The following IQCH variants were observed in gnomAD, a reference collection of about 807,000 sequenced individuals.
IQCH encodes the protein IQ motif containing H, also known as IQ domain-containing protein H.
In IQCH, 98 loss-of-function variants were observed where a neutral mutation model predicts 117.0. The ratio of observed to expected loss-of-function variants is 0.84; its 90% CI spans 0.71 to 0.99. The LOEUF is 0.99. IQCH is among the 50% of genes least tolerant of loss of function. IQCH has a pLI of 0.00. For synonymous variants in IQCH, 412 were observed against 448.2 expected (o/e 0.92, Z 1.02); for missense variants, 1,102 against 1,243.8 (o/e 0.89, Z 1.72).
chr15:67,462,120 C>T (rs1243053067), intron 16 of IQCH, among the ~76,000 whole-genome samples: 1 of 151,584 alleles, frequency 6.6e-6, no homozygotes, highest in African/African-American at 2.4e-5. Context: ...TGAGCCACTG[C>T]GCCCGGCCTA....
chr15:67,255,898 C>A (rs897552939), intron 1 of IQCH, among the ~76,000 whole-genome samples: 1 of 152,182 alleles, frequency 6.6e-6, no homozygotes, highest in Non-Finnish European at 1.5e-5. Context: ...GATCTTTTCT[C>A]ACCCTCACTT....
intron 4 of IQCH, among the ~76,000 whole-genome samples, chr15:67,329,136 A>G (rs1247602314): frequency 6.6e-6 from 1 of 152,028 alleles, no homozygotes; most frequent in East Asian, 1.9e-4. Context: ...TAATCTCTAC[A>G]CAAAATACAA....
rs188142058 is a variant in IQCH at position 67,456,565 on chromosome 15, G to A, written c.2506-8562G>A. On this transcript the variant is annotated intron_variant, in intron 16 of 20. Transcript: ENST00000335894. This position sits in a 1 kb window ranked among gnomAD's most constrained non-coding sequence, Gnocchi z 5.1. ...GATTCCATCCTACATCGTATCAAAT[G>A]TATTAAAAATCCATTTCATCTATTC... is the stretch of plus-strand genomic sequence containing the variant. Among the ~76,000 whole-genome samples the A allele has an allele frequency of 1.3e-3, 200 of 152,190 alleles. 1 individual carries two copies. Among genetic ancestry groups the A allele is most frequent in the Non-Finnish European group, 2.0e-3 (138 of 68,016 alleles).
chr15:67,276,829 C>T (rs1966145012), intron 3 of IQCH, among the ~76,000 whole-genome samples: 1 of 151,986 alleles, frequency 6.6e-6, no homozygotes, highest in Non-Finnish European at 1.5e-5. Flanking sequence ...TTATTCTGGT[C>T]AGTGTTCTCT....
In IQCH at chr15:67,400,491, C is replaced by CTTTTCTTTTTTT. The variant is rs776111763; in HGVS notation, c.2097+190_2097+191insCTTTTTTTTTTT. Among the ~76,000 whole-genome samples, 17 of 115,572 alleles carry CTTTTCTTTTTTT rather than the reference C, an allele frequency of 1.5e-4. 6 individuals carry two copies. Among genetic ancestry groups the CTTTTCTTTTTTT allele is most frequent in the Non-Finnish European group, 2.1e-4 (12 of 57,970 alleles). 75.8% of individuals were successfully genotyped at this position (115,572 alleles called of 152,430 possible). On this transcript the variant is annotated intron_variant, in intron 14 of 20. Coordinates refer to ENST00000335894, the MANE Select transcript of IQCH (RefSeq NM_001031715.3). The stretch of plus-strand genomic sequence containing the variant: ...TGGGATTGACTGAGTTCTTTTTTTT[C>CTTTTCTTTTTTT]TTTTTTTTTTTGAGATGGGGCCTCA...
chr15:67,293,410 A>T (rs977981246), intron 4 of IQCH, among the ~76,000 whole-genome samples: 9 of 152,170 alleles, frequency 5.9e-5, no homozygotes, highest in Non-Finnish European at 1.3e-4. Context: ...CAAAACCCTG[A>T]TATAAAATAG....
intron 4 of IQCH, among the ~76,000 whole-genome samples, chr15:67,317,306 G>A (rs1967894204): frequency 6.6e-6 from 1 of 152,118 alleles, no homozygotes; most frequent in Admixed American, 6.6e-5. Context: ...AGGTTCAAGT[G>A]ATTCTCCTGC....
chr15:67,351,537 T>G (rs1194479609), intron 6 of IQCH, among the ~76,000 whole-genome samples: 3 of 152,182 alleles, frequency 2.0e-5, no homozygotes, highest in Admixed American at 2.0e-4. Flanking sequence ...AGTGGAAATG[T>G]TGGTCATGGG....
rs115189088 is a variant in IQCH, at chr15:67,396,753, G to A, written c.1905+1190G>A. Among the ~76,000 whole-genome samples, 632 of 152,278 alleles carry A rather than the reference G, an allele frequency of 4.2e-3. 3 individuals are homozygous for A. The highest frequency in any genetic ancestry group is 0.013 in the African/African-American group (525 of 41,566). On this transcript the variant is annotated intron_variant, in intron 13 of 20. Coordinates refer to ENST00000335894, the MANE Select transcript of IQCH (RefSeq NM_001031715.3). ...ATTTAGGGATCCCCTCCTACTCTCA[G>A]TTGCCTGATCATGATGCTCTGCACC...
chr15:67,261,274 C>T lies in IQCH; in HGVS notation c.54C>T (p.Ile18=). The T allele has an allele frequency of 2.0e-6, 3 of 1,524,982 alleles. No individual in the cohort carries two copies. Among genetic ancestry groups the T allele is most frequent in the Non-Finnish European group, 2.7e-6 (3 of 1,127,740 alleles). 94.5% of individuals were successfully genotyped at this position (1,524,982 alleles called of 1,614,324 possible). ...TTTTTCATTTTTTATACCTATAGAT[C>T]CATGAAGACCTTTATCAGTTAAAGG... is the stretch of plus-strand genomic sequence containing the variant. The part of the protein sequence containing the change: ...HDPVGSILIQ[I]HEDLYQLKEK... Residue 18 remains isoleucine, a splice_region_variant and synonymous_variant, in exon 2 of 21, where the codon ATC becomes ATT. Transcript: ENST00000335894.
chr15:67,266,360 C>T (rs558862481), intron 3 of IQCH, among the ~76,000 whole-genome samples: 8 of 152,002 alleles, frequency 5.3e-5, no homozygotes, highest in Non-Finnish European at 1.2e-4. Context: ...ATTAATATCT[C>T]AAGACATCAT....
At chr15:67,268,119 A>G (rs1407725222) in intron 3 of IQCH, among the ~76,000 whole-genome samples, 1 of 152,212 alleles carries the variant, frequency 6.6e-6, no homozygotes, top group Admixed American at 6.5e-5. Context: ...CTTTTGCTCC[A>G]TAACTGCCTG....
In IQCH at chr15:67,465,407, C is replaced by A; in HGVS notation, c.2676+110C>A. The A allele has an allele frequency of 8.5e-7, 1 of 1,179,554 alleles. No individual in the cohort carries two copies. The highest frequency in any genetic ancestry group is 1.2e-6 in the Non-Finnish European group (1 of 837,916). 73.1% of individuals were successfully genotyped at this position (1,179,554 alleles called of 1,614,324 possible). On this transcript the variant is annotated intron_variant, in intron 17 of 20. Transcript: ENST00000335894. The surrounding 1 kb of genome is among the most constrained non-coding windows in gnomAD (Gnocchi z 5.9). ...TTTGAGTACAGGAAGAAGAAAGAGC[C>A]TAAGGCAAGTCATTGGACTTGTCTG...
At position 67,427,829 on chromosome 15, in the gene IQCH, A is replaced by ATTT. The variant is rs34065535; in HGVS notation, c.2505+6267_2505+6269dup. ...CAAGTAGTCTAAATTCCAATAATAGATTTTTTTTTTTTTTTTTGAAGCAGA... is the reference window on the plus strand; with the variant it reads ...CAAGTAGTCTAAATTCCAATAATAGATTTTTTTTTTTTTTTTTTTTGAAGCAGA... On this transcript the variant is annotated intron_variant, in intron 16 of 20. Coordinates refer to ENST00000335894, the MANE Select transcript of IQCH (RefSeq NM_001031715.3). The surrounding 1 kb of genome is among the most constrained non-coding windows in gnomAD (Gnocchi z 4.7). Among the ~76,000 whole-genome samples, 1 of 141,688 alleles carries ATTT rather than the reference A, an allele frequency of 7.1e-6. No individual in the cohort carries two copies. Among genetic ancestry groups the ATTT allele is most frequent in the Non-Finnish European group, 1.5e-5 (1 of 64,534 alleles). 93.0% of individuals were successfully genotyped at this position (141,688 alleles called of 152,430 possible).
chr15:67,267,704 CTGTT>C (rs749600405), intron 3 of IQCH, among the ~76,000 whole-genome samples: 1 of 152,196 alleles, frequency 6.6e-6, no homozygotes, highest in Non-Finnish European at 1.5e-5. Flanking sequence ...CTGCAGATCT[CTGTT>C]TGTTCCTTTG....
intron 13 of IQCH, among the ~76,000 whole-genome samples, chr15:67,396,405 T>TGGGGAA: frequency 6.6e-6 from 1 of 152,152 alleles, no homozygotes; most frequent in Admixed American, 6.5e-5. Context: ...GGAATAAAAC[T>TGGGGAA]GTCTGTTTTC....
chr15:67,348,190 C>G (rs1306949370), intron 6 of IQCH, among the ~76,000 whole-genome samples: 1 of 152,058 alleles, frequency 6.6e-6, no homozygotes, highest in Non-Finnish European at 1.5e-5. Flanking sequence ...AGATCAGGAA[C>G]AAGACATGGT....
rs2082363049 is a variant in IQCH at position 67,445,142 on chromosome 15, T to TA, written c.2506-19982dup. Among the ~76,000 whole-genome samples, 1 of 152,188 alleles carries TA rather than the reference T, an allele frequency of 6.6e-6. No individual in the cohort carries two copies. The highest frequency in any genetic ancestry group is 1.5e-5 in the Non-Finnish European group (1 of 68,026). On this transcript the variant is annotated intron_variant, in intron 16 of 20. Coordinates refer to ENST00000335894, the MANE Select transcript of IQCH (RefSeq NM_001031715.3). This position sits in a 1 kb window ranked among gnomAD's most constrained non-coding sequence, Gnocchi z 4.3. ...TTGCTTTTTCAGTAAAACAAAAACT[T>TA]AAACACGTCGTTGAACATCTGTTAC... is the stretch of plus-strand genomic sequence containing the variant.
intron 4 of IQCH, among the ~76,000 whole-genome samples, chr15:67,318,482 C>T (rs1014762204): frequency 1.3e-5 from 2 of 152,128 alleles, no homozygotes; most frequent in Non-Finnish European, 2.9e-5. Flanking sequence ...TCTTTATGTC[C>T]AATGTAATTC....
Sources: allele counts gnomAD v4.1 joint callset (sites outside exome capture counted in the v4.1 genomes callset), GRCh38; gene constraint gnomAD v4.1.1; non-coding constraint Gnocchi (gnomAD v3.1); transcripts MANE v1.5; gene names NCBI Gene and HGNC (gene_info 2026-07-23, HGNC 2026-07-21).